Variants in SMAD6 observed in about 807,000 individuals in gnomAD.
SMAD6 encodes the protein SMAD family member 6.
A neutral mutation model predicts 39.4 loss-of-function variants in SMAD6; 103 were observed. That is an observed-to-expected ratio of 2.62 (90% confidence interval 2.23 to 3.08). The LOEUF is 3.08. Among genes scored for constraint, SMAD6 ranks in the 30% most tolerant of loss-of-function variants. The pLI, the probability that SMAD6 is intolerant of heterozygous loss-of-function variation, is 0.00. For synonymous variants in SMAD6, 445 were observed against 353.3 expected, an observed-to-expected ratio of 1.26 and a Z score of -2.91; for missense variants, 1,104 against 742.9, an observed-to-expected ratio of 1.49 and a Z score of -5.65.
chr15:66,726,438 G>A (rs1893522786), intron 3 of SMAD6, among the ~76,000 whole-genome samples: 1 of 152,184 alleles, frequency 6.6e-6, no homozygotes. Flanking sequence ...CTCTGACTGG[G>A]GTTGGGGGGC....
chr15:66,709,995 G>A (rs944936377), intron 1 of SMAD6, among the ~76,000 whole-genome samples: 5 of 152,188 alleles, frequency 3.3e-5, no homozygotes, highest in Non-Finnish European at 7.3e-5. Flanking sequence ...TAGTGAGCGC[G>A]TTCTGTGCAG....
chr15:66,726,975 A>T (rs2439391), intron 3 of SMAD6, among the ~76,000 whole-genome samples: 7 of 151,804 alleles, frequency 4.6e-5, no homozygotes, highest in South Asian at 2.1e-4. Context: ...ACTGTCTCCC[A>T]CTCAAGGCAG....
At position 66,703,938 on chromosome 15, in the gene SMAD6, G is replaced by A; in HGVS notation, c.680G>A (p.Gly227Asp). The A allele has an allele frequency of 1.4e-6, 2 of 1,379,918 alleles. No homozygotes were observed. Among genetic ancestry groups the A allele is most frequent in the Non-Finnish European group, 9.4e-7 (1 of 1,064,910 alleles). 85.5% of individuals were successfully genotyped at this position (1,379,918 alleles called of 1,614,324 possible). ...GQPAPPQLLLGRLFRWPDLQH... is the reference protein window; with the variant it reads ...GQPAPPQLLLDRLFRWPDLQH... Reference sequence around the variant, plus strand: ...CCCGCGCCGCCGCAGCTGCTGCTCGGCCGCCTCTTTCGCTGGCCCGACCTG... The same window carrying A: ...CCCGCGCCGCCGCAGCTGCTGCTCGACCGCCTCTTTCGCTGGCCCGACCTG... The change falls in exon 1 of 4, where the codon GGC becomes GAC. Residue 227 changes from glycine to aspartate, a missense_variant. Coordinates refer to ENST00000288840, the MANE Select transcript of SMAD6 (RefSeq NM_005585.5).
chr15:66,705,505 C>CTA (rs113488759), intron 1 of SMAD6: 37,065 of 151,844 alleles, frequency 0.24, 4,555 homozygotes, highest in Middle Eastern at 0.35. Context: ...CCTCTGCCAA[C>CTA]TGACTCCCCA....
At chr15:66,746,115 C>T (rs1027337691) in intron 3 of SMAD6, among the ~76,000 whole-genome samples, 1 of 152,214 alleles carries the variant, frequency 6.6e-6, no homozygotes, top group African/African-American at 2.4e-5. Flanking sequence ...ACTGGGCTCA[C>T]CAGCCTCTGC....
At chr15:66,721,830 A>G (rs534743543) in intron 3 of SMAD6, among the ~76,000 whole-genome samples, 59 of 152,340 alleles carry the variant, frequency 3.9e-4, no homozygotes, top group African/African-American at 1.3e-3. Context: ...AACAATAACA[A>G]GAGGCGGTCC....
chr15:66,740,201 T>C (rs1442653381), intron 3 of SMAD6, among the ~76,000 whole-genome samples: 1 of 152,194 alleles, frequency 6.6e-6, no homozygotes, highest in African/African-American at 2.4e-5. Flanking sequence ...CCCCTGTGCA[T>C]TCCTGGCTAT....
chr15:66,780,998 C>G lies in SMAD6; in HGVS notation c.954C>G (p.Asp318Glu). ...SLITAPGEFS[D>E]ASMSPDATKP... The stretch of plus-strand genomic sequence containing the variant: ...GCGGTCCCTGTGCTTGTCCCGCAGA[C>G]GCCAGCATGTCTCCGGACGCCACCA... Residue 318 changes from aspartate to glutamate, a missense_variant and splice_region_variant, in exon 4 of 4, where the codon GAC becomes GAG. Asp to Glu is a conservative substitution (Grantham distance 45, BLOSUM62 2). Coordinates refer to ENST00000288840, the MANE Select transcript of SMAD6 (RefSeq NM_005585.5). 1 of 1,566,422 alleles carries G rather than the reference C, an allele frequency of 6.4e-7. No individual in the cohort carries two copies. The highest frequency in any genetic ancestry group is 8.6e-7 in the Non-Finnish European group (1 of 1,161,502).
At chr15:66,721,461 A>C (rs1179944306) in intron 3 of SMAD6, among the ~76,000 whole-genome samples, 1 of 152,176 alleles carries the variant, frequency 6.6e-6, no homozygotes, top group Non-Finnish European at 1.5e-5. Flanking sequence ...GGTTCAGTCC[A>C]TTCAGTGTGT....
chr15:66,715,370 T>C (rs1426891405), intron 2 of SMAD6, among the ~76,000 whole-genome samples: 1 of 151,956 alleles, frequency 6.6e-6, no homozygotes, highest in Non-Finnish European at 1.5e-5. Flanking sequence ...AAAAAGTTCC[T>C]GCAGGATCAA....
chr15:66,703,104 C>T lies in SMAD6; in HGVS notation c.-155C>T, dbSNP rs1893010425. 4.1e-6 allele frequency: 2 copies of T among 485,884 alleles called. No individual in the cohort carries two copies. Among genetic ancestry groups the T allele is most frequent in the African/African-American group, 2.0e-5 (1 of 49,584 alleles). 30.1% of individuals were successfully genotyped at this position (485,884 alleles called of 1,614,324 possible). A position where few individuals can be genotyped will look rare whatever the true frequency, so the allele number is the denominator to read the frequency against. On this transcript the variant is annotated 5_prime_UTR_variant, in exon 1 of 4. Transcript: ENST00000288840. The stretch of plus-strand genomic sequence containing the variant: ...TCCCTCATGTTGTCGCCCTGCGGCG[C>T]CCCTTCGACGACAGGCTGTGCGCGG...
In SMAD6 at chr15:66,703,515, C is replaced by T. The variant is rs1235267213; in HGVS notation, c.257C>T (p.Ala86Val). The T allele has an allele frequency of 3.3e-6, 4 of 1,222,826 alleles. No individual in the cohort carries two copies. The highest frequency in any genetic ancestry group is 4.4e-5 in the Admixed American group (1 of 22,964). 75.7% of individuals were successfully genotyped at this position (1,222,826 alleles called of 1,614,324 possible). The change falls in exon 1 of 4, where the codon GCA (alanine) becomes GTA (valine). Residue 86 changes from alanine (A) to valine (V), a missense_variant. Ala to Val is a moderately conservative substitution (Grantham distance 64). Coordinates refer to ENST00000288840, the MANE Select transcript of SMAD6 (RefSeq NM_005585.5). ...GAQGAGRRRR[A>V]GGPPRPMSEP... ...CAGGGCGCGGGGAGGCGCCGGCGCG[C>T]AGGGGGCCCCCCGAGGCCCATGTCG...
At chr15:66,729,543 C>A (rs1001344116) in intron 3 of SMAD6, among the ~76,000 whole-genome samples, 1 of 152,146 alleles carries the variant, frequency 6.6e-6, no homozygotes, top group African/African-American at 2.4e-5. Flanking sequence ...GCTTTGGATC[C>A]TTGGATTTCA....
intron 3 of SMAD6, among the ~76,000 whole-genome samples, chr15:66,726,036 C>A (rs952942164): frequency 6.6e-6 from 1 of 152,192 alleles, no homozygotes; most frequent in African/African-American, 2.4e-5. Flanking sequence ...GCTGTGTGGT[C>A]TGCAAACCAC....
At chr15:66,766,675 G>A (rs115808116) in intron 3 of SMAD6, among the ~76,000 whole-genome samples, 298 of 152,222 alleles carry the variant, frequency 2.0e-3, no homozygotes, top group African/African-American at 6.9e-3. Flanking sequence ...GTAGACCCCA[G>A]CAAGGCTTCT....
chr15:66,778,107 A>G lies in SMAD6; in HGVS notation c.953-2890A>G, dbSNP rs185773635. On this transcript the variant is annotated intron_variant, in intron 3 of 3. Coordinates refer to ENST00000288840, the MANE Select transcript of SMAD6 (RefSeq NM_005585.5). ...TTCCTTTTTTTTTTTTTTTGAGACA[A>G]GGTCTCACTCTGTCATCCAGATTGG... Among the ~76,000 whole-genome samples, 71 of 150,088 alleles carry G rather than the reference A, an allele frequency of 4.7e-4. No individual in the cohort carries two copies. The East Asian group carries it at 0.014, about 29-fold the overall frequency.
intron 3 of SMAD6, among the ~76,000 whole-genome samples, chr15:66,774,225 C>T (rs11858577): frequency 0.1 from 15,592 of 152,194 alleles, 942 homozygotes; most frequent in African/African-American, 0.16. Context: ...ATGCAGCCCA[C>T]GGGGGAGCAC....
intron 3 of SMAD6, among the ~76,000 whole-genome samples, chr15:66,748,881 C>G (rs1199597827): frequency 6.6e-6 from 1 of 152,192 alleles, no homozygotes; most frequent in African/African-American, 2.4e-5. Context: ...CTGTAGATTC[C>G]TGGATCAATC....
intron 3 of SMAD6, among the ~76,000 whole-genome samples, chr15:66,760,400 G>A (rs1351734673): frequency 6.6e-6 from 1 of 152,222 alleles, no homozygotes; most frequent in Non-Finnish European, 1.5e-5. Flanking sequence ...AGAACAGTCA[G>A]AAACCTGTAC....
Sources: gnomAD v4.1 joint callset for allele counts (sites outside exome capture counted in the v4.1 genomes callset) on GRCh38, gnomAD v4.1.1 for gene constraint, MANE v1.5 for transcripts, NCBI Gene and HGNC (gene_info 2026-07-23, HGNC 2026-07-21) for gene names.